Variants in ATP8B1 observed in about 807,000 individuals in gnomAD.
The protein encoded by ATP8B1 is phospholipid-transporting ATPase IC.
A neutral mutation model predicts 149.9 loss-of-function variants in ATP8B1; 80 were observed. That is an observed-to-expected ratio of 0.53 (90% CI 0.45 to 0.64). The LOEUF is 0.64. ATP8B1 is among the 30% of genes least tolerant of loss of function. ATP8B1 has a pLI of 0.00. For synonymous variants in ATP8B1, 536 were observed against 562.8 expected (o/e 0.95, Z 0.67); for missense variants, 1,247 against 1,552.6 (o/e 0.80, Z 3.31).
At chr18:57,698,418 A>ACTGCAACTTCTGCCTC (rs1442884916) in intron 6 of ATP8B1, among the ~76,000 whole-genome samples, 1 of 151,886 alleles carries the variant, frequency 6.6e-6, no homozygotes, top group Non-Finnish European at 1.5e-5. Context: ...ATCTCAGCTC[A>ACTGCAACTTCTGCCTC]CTGCAACTTC....
At chr18:57,778,820 GC>G in intron 1 of ATP8B1, among the ~76,000 whole-genome samples, 1 of 152,114 alleles carries the variant, frequency 6.6e-6, no homozygotes, top group Non-Finnish European at 1.5e-5. Flanking sequence ...GTGTTTCTGT[GC>G]CCCAGCCTCA....
chr18:57,666,113 G>A (rs1264839388), intron 20 of ATP8B1, among the ~76,000 whole-genome samples: 1 of 152,078 alleles, frequency 6.6e-6, no homozygotes, highest in Non-Finnish European at 1.5e-5. Context: ...AGTTTAATCT[G>A]ACCTCATGCT....
rs768188174 is a variant in ATP8B1, at chr18:57,697,626, T to C, written c.690A>G (p.Glu230=). The change falls in exon 8 of 28, where the codon GAA becomes GAG. Residue 230 remains glutamate (E), a synonymous_variant. Transcript: ENST00000648908. ...CATCGAGACACACTTACCCATCCAG[T>C]TCTGCTGTTTCCACATAGCAGAGGC... ...PNSLCYVETA[E]LDGETNLKFK... The C allele has an allele frequency of 1.2e-6, 2 of 1,613,736 alleles. No homozygotes were observed. Among genetic ancestry groups the C allele is most frequent in the Non-Finnish European group, 1.7e-6 (2 of 1,179,822 alleles).
chr18:57,649,880 G>T (rs1164813262), intron 27 of ATP8B1, among the ~76,000 whole-genome samples: 1 of 152,086 alleles, frequency 6.6e-6, no homozygotes, highest in Non-Finnish European at 1.5e-5. Flanking sequence ...AGAAGAGATG[G>T]CAAGAACCAG....
At chr18:57,667,223 ATTTTG>A in intron 19 of ATP8B1, 56 bp from the exon 20 acceptor site, 1 of 1,461,748 alleles carries the variant, frequency 6.8e-7, no homozygotes, top group Non-Finnish European at 9.5e-7. Context: ...ATTTTATTTT[ATTTTG>A]TTTTTTGAGA....
chr18:57,800,585 A>G (rs2080564475), intron 1 of ATP8B1, among the ~76,000 whole-genome samples: 1 of 152,238 alleles, frequency 6.6e-6, no homozygotes, highest in East Asian at 1.9e-4. Flanking sequence ...CAATAATAGT[A>G]TTTTTAGATA....
chr18:57,660,211 A>G (rs1910301071), intron 22 of ATP8B1, among the ~76,000 whole-genome samples: 2 of 152,216 alleles, frequency 1.3e-5, no homozygotes, highest in South Asian at 4.1e-4. Flanking sequence ...GCACAACTGT[A>G]TTTCTGCATG....
chr18:57,682,569 G>T (rs755237136), intron 15 of ATP8B1, among the ~76,000 whole-genome samples: 2 of 152,194 alleles, frequency 1.3e-5, no homozygotes, highest in African/African-American at 2.4e-5. Flanking sequence ...AGAGAACCAG[G>T]TGACTTTGTA....
intron 15 of ATP8B1, 31 bp downstream of exon 15, chr18:57,684,005 C>T: frequency 1.9e-6 from 3 of 1,614,076 alleles, no homozygotes; most frequent in Non-Finnish European, 2.5e-6. Context: ...AACCTGGTCT[C>T]TAATGCCTGA....
At chr18:57,783,708 C>G (rs2663857) in intron 1 of ATP8B1, among the ~76,000 whole-genome samples, 1 of 151,984 alleles carries the variant, frequency 6.6e-6, no homozygotes, top group South Asian at 2.1e-4. Context: ...TGGTGGCACG[C>G]GCTTGTAATC....
intron 23 of ATP8B1, 75 bp downstream of exon 23, chr18:57,655,119 G>T: frequency 7.4e-7 from 1 of 1,350,734 alleles, no homozygotes; most frequent in Non-Finnish European, 1.0e-6. Context: ...GAAATAAATT[G>T]TCTTTTCAGA....
intron 4 of ATP8B1, among the ~76,000 whole-genome samples, chr18:57,702,871 AAAG>A (rs1913201180): frequency 6.6e-6 from 1 of 151,824 alleles, no homozygotes; most frequent in South Asian, 2.1e-4. Context: ...AAAAAAAAAA[AAAG>A]AGAGAGAGAA....
In ATP8B1 at chr18:57,668,515, T is replaced by C; in HGVS notation, c.2123A>G (p.Asp708Gly). ...TTCTGGAACTCCATCCTGTAGCTTG[T>C]CTTCAATAGCTGTAGCTCCCAGGAG... is the stretch of plus-strand genomic sequence containing the variant. The part of the protein sequence containing the change: ...LILLGATAIE[D>G]KLQDGVPETI... The change falls in exon 19 of 28, where the codon GAC becomes GGC. Residue 708 changes from aspartate to glycine, a missense_variant. Transcript: ENST00000648908. The C allele has an allele frequency of 6.5e-7, 1 of 1,528,996 alleles. No homozygotes were observed. The highest frequency in any genetic ancestry group is 9.0e-7 in the Non-Finnish European group (1 of 1,115,156). 94.7% of individuals were successfully genotyped at this position (1,528,996 alleles called of 1,614,324 possible).
At chr18:57,783,186 G>C (rs1341946231) in intron 1 of ATP8B1, among the ~76,000 whole-genome samples, 2 of 152,090 alleles carry the variant, frequency 1.3e-5, no homozygotes, top group African/African-American at 4.8e-5. Flanking sequence ...GGGTGACAGA[G>C]AACACACTAT....
rs1909867996 is a variant in ATP8B1 at position 57,654,689 on chromosome 18, C to A, written c.2931+505G>T. Among the ~76,000 whole-genome samples the A allele has an allele frequency of 8.8e-5, 11 of 124,798 alleles. No individual in the cohort carries two copies. The South Asian group carries it at 2.9e-3, about 33-fold the overall frequency. The allele number at this position is 124,798 out of a possible 152,430, so 81.9% of individuals were successfully genotyped here. The stretch of plus-strand genomic sequence containing the variant: ...TAAAGATAAAAACATACAAGCAAAT[C>A]CCCTCCTTTTTTTTTTTTTTTTTGA... On this transcript the variant is annotated intron_variant, in intron 23 of 27. Transcript: ENST00000648908.
chr18:57,658,936 GT>G (rs1365837648), intron 22 of ATP8B1, among the ~76,000 whole-genome samples: 1 of 152,120 alleles, frequency 6.6e-6, no homozygotes, highest in Admixed American at 6.6e-5. Context: ...GACCCCTAAA[GT>G]TTCCTATATT....
intron 1 of ATP8B1, among the ~76,000 whole-genome samples, chr18:57,775,496 C>T (rs375597283): frequency 3.3e-5 from 5 of 151,388 alleles, no homozygotes; most frequent in South Asian, 2.1e-4. Flanking sequence ...ACAGGGAGTG[C>T]GGAAAGAAAT....
At chr18:57,771,212 T>C (rs956861201) in intron 1 of ATP8B1, among the ~76,000 whole-genome samples, 15 of 152,236 alleles carry the variant, frequency 9.9e-5, no homozygotes, top group South Asian at 2.1e-4. Flanking sequence ...TGATTGCAAC[T>C]GATGGCAGAA....
At chr18:57,670,355 CTTT>C (rs370444079) in intron 17 of ATP8B1, among the ~76,000 whole-genome samples, 2 of 139,696 alleles carry the variant, frequency 1.4e-5, no homozygotes, top group Non-Finnish European at 3.1e-5. Context: ...TTTTCTTTTT[CTTT>C]TTTTTTTTTT....
Sources: gnomAD v4.1 joint callset for allele counts (sites outside exome capture counted in the v4.1 genomes callset) on GRCh38, gnomAD v4.1.1 for gene constraint, MANE v1.5 for transcripts, NCBI Gene and HGNC (gene_info 2026-07-23, HGNC 2026-07-21) for gene names.